EXOC4: variants seen among roughly 807,000 people sequenced by gnomAD.
The protein encoded by EXOC4 is exocyst complex component 4, also known as SEC8-like 1.
A neutral mutation model predicts 107.2 loss-of-function variants in EXOC4; 71 were observed. The ratio of observed to expected loss-of-function variants is 0.66; its 90% confidence interval spans 0.55 to 0.81. The LOEUF is 0.81. Ranked by LOEUF, EXOC4 falls within the 30% of genes least tolerant of loss-of-function variation. The pLI is 0.00. For missense variants in EXOC4, 1,108 were observed against 1,189.6 expected (o/e 0.93, Z 1.01); for synonymous variants, 456 against 441.2 (o/e 1.03, Z -0.42).
downstream of EXOC4, among the ~76,000 whole-genome samples, chr7:134,069,213 T>TCTTCTTCTTCTTCTC (rs1796232672): frequency 6.8e-6 from 1 of 147,948 alleles, no homozygotes; most frequent in Admixed American, 6.7e-5. Flanking sequence ...CAGTTCTTCT[T>TCTTCTTCTTCTTCTC]CTTCTTCTCC....
At chr7:133,816,616 C>T (rs1191741196) in intron 10 of EXOC4, among the ~76,000 whole-genome samples, 1 of 152,160 alleles carries the variant, frequency 6.6e-6, no homozygotes, top group African/African-American at 2.4e-5. Context: ...GCAGCAATCC[C>T]CAACCTTTTT....
intron 1 of EXOC4, among the ~76,000 whole-genome samples, chr7:133,262,681 A>G (rs1289290623): frequency 6.6e-6 from 1 of 152,212 alleles, no homozygotes; most frequent in Non-Finnish European, 1.5e-5. Flanking sequence ...CTCAGGTCCT[A>G]CCTGACCTAC....
At chr7:133,545,785 A>G (rs925889917) in intron 9 of EXOC4, among the ~76,000 whole-genome samples, 1 of 152,210 alleles carries the variant, frequency 6.6e-6, no homozygotes, top group Non-Finnish European at 1.5e-5. Flanking sequence ...GTTTGACCCT[A>G]TATAACCACA....
chr7:133,958,836 T>G (rs1217299333), intron 14 of EXOC4, among the ~76,000 whole-genome samples: 1 of 152,226 alleles, frequency 6.6e-6, no homozygotes, highest in Non-Finnish European at 1.5e-5. Context: ...TAGAGATTCC[T>G]TGGACTGAGG....
Position 133,630,156 on chromosome 7 carries a change from AT to A in EXOC4, c.1514+16del. 1 of 1,562,820 alleles carries A rather than the reference AT, an allele frequency of 6.4e-7. No homozygotes were observed. Among genetic ancestry groups the A allele is most frequent in the Non-Finnish European group, 8.8e-7 (1 of 1,133,552 alleles). ...CCATTACTAAGGTAAGTCAAGTGCT[AT>A]GATATACTTACTGAAGATCAATATT... On this transcript the variant is annotated intron_variant, in intron 10 of 17. Transcript: ENST00000253861.
intron 12 of EXOC4, among the ~76,000 whole-genome samples, chr7:133,900,506 A>G (rs1371719790): frequency 1.3e-5 from 2 of 152,210 alleles, no homozygotes; most frequent in Admixed American, 6.5e-5. Flanking sequence ...AGACTCAAGG[A>G]ACTTTGCCTT....
chr7:133,366,551 A>G (rs1038279100), intron 6 of EXOC4, among the ~76,000 whole-genome samples: 4 of 152,054 alleles, frequency 2.6e-5, no homozygotes, highest in African/African-American at 2.4e-5. Flanking sequence ...TCATGTTCTC[A>G]TGTTTAGCTT....
At chr7:133,452,477 A>C (rs1051387475) in intron 7 of EXOC4, among the ~76,000 whole-genome samples, 1 of 151,068 alleles carries the variant, frequency 6.6e-6, no homozygotes, top group African/African-American at 2.4e-5. Context: ...ACCAGAGTAG[A>C]ACAGTGCCAC....
chr7:133,489,869 A>G (rs541951336), intron 9 of EXOC4, among the ~76,000 whole-genome samples: 2 of 152,282 alleles, frequency 1.3e-5, no homozygotes, highest in African/African-American at 4.8e-5. Flanking sequence ...AGAGTCCCTG[A>G]TATTTCGCTA....
chr7:133,774,814 C>T (rs1035722587), intron 10 of EXOC4, among the ~76,000 whole-genome samples: 4 of 151,992 alleles, frequency 2.6e-5, no homozygotes, highest in Non-Finnish European at 5.9e-5. Context: ...ATCACTGAGG[C>T]TTATGGATAA....
chr7:133,321,564 T>C (rs1795113465), intron 5 of EXOC4, among the ~76,000 whole-genome samples: 1 of 152,076 alleles, frequency 6.6e-6, no homozygotes, highest in African/African-American at 2.4e-5. Flanking sequence ...CTCATCCTTT[T>C]TTATGGCTGC....
the EXOC4 span, among the ~76,000 whole-genome samples, chr7:134,078,929 C>G: frequency 3.9e-5 from 6 of 152,310 alleles, no homozygotes; most frequent in African/African-American, 1.4e-4. Flanking sequence ...CCCTGAGATG[C>G]TTACACACTG....
intron 10 of EXOC4, among the ~76,000 whole-genome samples, chr7:133,746,263 C>G (rs374034941): frequency 6.6e-6 from 1 of 152,146 alleles, no homozygotes; most frequent in African/African-American, 2.4e-5. Context: ...CTGTTTTACA[C>G]AAACTAAAGC....
chr7:133,895,786 G>T (rs757480142), intron 12 of EXOC4, 51 bp downstream of exon 12: 1 of 1,576,010 alleles, frequency 6.3e-7, no homozygotes, highest in Non-Finnish European at 8.6e-7. Flanking sequence ...CCTGATGGTG[G>T]TTCCAATTGG....
chr7:133,968,170 C>G (rs1347520563), intron 14 of EXOC4, among the ~76,000 whole-genome samples: 1 of 151,548 alleles, frequency 6.6e-6, no homozygotes, highest in Admixed American at 6.6e-5. Context: ...TTTTTTTTCT[C>G]TTTTTTTGCT....
intron 11 of EXOC4, among the ~76,000 whole-genome samples, chr7:133,846,672 G>A (rs1466323287): frequency 1.3e-5 from 2 of 152,258 alleles, no homozygotes; most frequent in Non-Finnish European, 2.9e-5. Flanking sequence ...TTGCAGCTAT[G>A]CGGCTCTGCC....
intron 10 of EXOC4, among the ~76,000 whole-genome samples, chr7:133,645,086 C>CTTTT (rs35058872): frequency 1.0e-4 from 13 of 123,972 alleles, no homozygotes; most frequent in East Asian, 2.4e-4. Context: ...CTTCTGCCAC[C>CTTTT]TTTTTTTTTT....
chr7:133,260,599 A>T (rs1260553002), intron 1 of EXOC4, among the ~76,000 whole-genome samples: 1 of 152,072 alleles, frequency 6.6e-6, no homozygotes, highest in Non-Finnish European at 1.5e-5. Context: ...TACTTTTTCA[A>T]AGTAGTTTTG....
At chr7:133,934,123 A>G (rs1049449008) in intron 13 of EXOC4, among the ~76,000 whole-genome samples, 17 of 152,204 alleles carry the variant, frequency 1.1e-4, no homozygotes, top group African/African-American at 4.1e-4. Context: ...TTTTATATAC[A>G]TAATTCCTAA....
Sources: gnomAD v4.1 joint callset for allele counts (sites outside exome capture counted in the v4.1 genomes callset) on GRCh38, gnomAD v4.1.1 for gene constraint, MANE v1.5 for transcripts, NCBI Gene and HGNC (gene_info 2026-07-23, HGNC 2026-07-21) for gene names.